ARHGAP1: variants seen among roughly 807,000 people sequenced by gnomAD.
ARHGAP1 encodes Rho GTPase activating protein 1.
In ARHGAP1, 23 loss-of-function variants were observed where a neutral mutation model predicts 52.2. The observed-to-expected ratio is 0.44, with a 90% CI of 0.32 to 0.62. ARHGAP1 has a LOEUF of 0.62. Ranked by LOEUF, ARHGAP1 falls within the 20% of genes least tolerant of loss-of-function variation. The probability of loss-of-function intolerance (pLI) is 0.05; values close to 1 mark genes in which losing one functional copy is unlikely to be tolerated. For synonymous variants in ARHGAP1, 210 were observed against 228.4 expected, an observed-to-expected ratio of 0.92 and a Z score of 0.73; for missense variants, 480 against 560.9, an observed-to-expected ratio of 0.86 and a Z score of 1.46.
intron 3 of ARHGAP1, 89 bp from the exon 4 acceptor site, chr11:46,688,349 C>T: frequency 7.6e-7 from 1 of 1,316,912 alleles, no homozygotes; most frequent in Non-Finnish European, 1.1e-6. Context: ...GCCTGCTGAT[C>T]TGAGCCAGTT....
Position 46,681,451 on chromosome 11 carries a change from A to AT in ARHGAP1, c.450-73_450-72insA. 3.0e-5 allele frequency: 35 copies of AT among 1,182,672 alleles called. No individual in the cohort carries two copies. The highest frequency in any genetic ancestry group is 6.1e-5 in the African/African-American group (4 of 65,258). The allele number at this position is 1,182,672 out of a possible 1,614,324, so 73.3% of individuals were successfully genotyped here. ...GTGCCACGCTAGGGTCCCAGTGCAT[A>AT]CTTTTTTTTTTTGAGACAGAGTCTC... is the stretch of plus-strand genomic sequence containing the variant. On this transcript the variant is annotated intron_variant, in intron 5 of 12. Transcript: ENST00000311956. The surrounding 1 kb of genome is among the most constrained non-coding windows in gnomAD (Gnocchi z 5.7).
Position 46,678,183 on chromosome 11 carries a change from A to G in ARHGAP1, c.*854T>C. 1 of 216,706 alleles carries G rather than the reference A, an allele frequency of 4.6e-6. No homozygotes were observed. Among genetic ancestry groups the G allele is most frequent in the East Asian group, 1.8e-4 (1 of 5,618 alleles). 13.4% of individuals were successfully genotyped at this position (216,706 alleles called of 1,614,324 possible). ...TGACTCCGTAACAGACAGGTCCACA[A>G]GAACATGAAGGCTGATGATCTGCCC... On this transcript the variant is annotated 3_prime_UTR_variant, in exon 13 of 13. Coordinates refer to ENST00000311956, the MANE Select transcript of ARHGAP1 (RefSeq NM_004308.5).
In ARHGAP1 at chr11:46,678,520, A is replaced by C; in HGVS notation, c.*517T>G. ...GCGCTGCTGGGGGCAGTACAGGAGC[A>C]AGGGTGCTTGCACTCAGGCCTTCAT... is the stretch of plus-strand genomic sequence containing the variant. On this transcript the variant is annotated 3_prime_UTR_variant, in exon 13 of 13. Transcript: ENST00000311956. The C allele has an allele frequency of 5.7e-6, 1 of 175,878 alleles. No individual in the cohort carries two copies. The highest frequency in any genetic ancestry group is 1.1e-4 in the South Asian group (1 of 8,916). The allele number at this position is 175,878 out of a possible 1,614,324, so 10.9% of individuals were successfully genotyped here. A position where few individuals can be genotyped will look rare whatever the true frequency, so the allele number is the denominator to read the frequency against.
intron 3 of ARHGAP1, among the ~76,000 whole-genome samples, chr11:46,690,795 C>A (rs1015512565): frequency 6.6e-6 from 1 of 152,146 alleles, no homozygotes; most frequent in Admixed American, 6.6e-5. Flanking sequence ...ACCTGTCTCC[C>A]TGACAGGCTT....
intron 3 of ARHGAP1, among the ~76,000 whole-genome samples, chr11:46,694,424 C>T (rs547248768): frequency 4.6e-5 from 7 of 152,188 alleles, no homozygotes; most frequent in East Asian, 1.9e-4. Flanking sequence ...CGAGCCAGGA[C>T]GGACACCTAC....
At chr11:46,692,052 G>A (rs1439335660) in intron 3 of ARHGAP1, among the ~76,000 whole-genome samples, 2 of 152,190 alleles carry the variant, frequency 1.3e-5, no homozygotes, top group East Asian at 3.8e-4. Flanking sequence ...TGTTTTGAAG[G>A]ACCAGGTGGT....
At chr11:46,685,260 A>G (rs983867214) in intron 4 of ARHGAP1, among the ~76,000 whole-genome samples, 1 of 150,046 alleles carries the variant, frequency 6.7e-6, no homozygotes, top group Non-Finnish European at 1.5e-5. Flanking sequence ...ATTTATGGCT[A>G]TGTATATTTT....
chr11:46,679,404 G>A lies in ARHGAP1; in HGVS notation c.1092C>T (p.Asn364=). ...LQVLQTLPEE[N]YQVLRFLTAF... Reference sequence around the variant, plus strand: ...CAGTCAGGAAACGAAGCACCTGGTAGTTCTCCTCGGGCAGCGTCTGGAGGA... The same window carrying A: ...CAGTCAGGAAACGAAGCACCTGGTAATTCTCCTCGGGCAGCGTCTGGAGGA... Residue 364 remains asparagine, a synonymous_variant, in exon 12 of 13, where the codon AAC becomes AAT. Coordinates refer to ENST00000311956, the MANE Select transcript of ARHGAP1 (RefSeq NM_004308.5). The surrounding 1 kb of genome is among the most constrained non-coding windows in gnomAD (Gnocchi z 4.4). 6.2e-7 allele frequency: 1 copy of A among 1,614,228 alleles called. No individual in the cohort carries two copies. Among genetic ancestry groups the A allele is most frequent in the Non-Finnish European group, 8.5e-7 (1 of 1,180,034 alleles).
chr11:46,696,836 T>A lies in ARHGAP1; in HGVS notation c.-49-680A>T, dbSNP rs2064658593. Among the ~76,000 whole-genome samples the A allele has an allele frequency of 6.6e-6, 1 of 152,154 alleles. No homozygotes were observed. ...GTGAGCCGAGATTGTGCCATTGCAC[T>A]TCCAGCCTAGGCGACAGGGCAAGAC... On this transcript the variant is annotated intron_variant, in intron 1 of 12. Transcript: ENST00000311956. The surrounding 1 kb of genome is among the most constrained non-coding windows in gnomAD (Gnocchi z 4.8).
intron 3 of ARHGAP1, among the ~76,000 whole-genome samples, chr11:46,688,662 T>C (rs930271082): frequency 2.6e-5 from 4 of 151,950 alleles, no homozygotes; most frequent in Non-Finnish European, 5.9e-5. Flanking sequence ...TTAAAATTTT[T>C]TGTAGAGACA....
intron 1 of ARHGAP1, among the ~76,000 whole-genome samples, chr11:46,699,679 G>A (rs1234944519): frequency 7.3e-6 from 1 of 136,332 alleles, no homozygotes; most frequent in Non-Finnish European, 1.6e-5. Flanking sequence ...CTCCAGCCTG[G>A]GCGACAGAGT....
intron 4 of ARHGAP1, among the ~76,000 whole-genome samples, chr11:46,682,419 C>G (rs890066342): frequency 6.6e-6 from 1 of 152,260 alleles, no homozygotes; most frequent in Non-Finnish European, 1.5e-5. Flanking sequence ...CGCAGTGGCT[C>G]ATGCCTGTAA....
chr11:46,696,030 G>T lies in ARHGAP1; in HGVS notation c.78C>A (p.Ala26=). Residue 26 remains alanine, a synonymous_variant, in exon 2 of 13, where the codon GCC becomes GCA. Transcript: ENST00000311956. The surrounding 1 kb of genome is among the most constrained non-coding windows in gnomAD (Gnocchi z 4.8). ...AGGGCCAGTTCTTCTCATCGATGGA[G>T]GCCAGCTTCAGCTGGTTCAGAGCCT... ...TSEALNQLKL[A]SIDEKNWPSD... is the part of the protein sequence containing the mutation. The T allele has an allele frequency of 6.2e-7, 1 of 1,614,160 alleles. No homozygotes were observed. The highest frequency in any genetic ancestry group is 8.5e-7 in the Non-Finnish European group (1 of 1,180,014).
rs112112676 is a variant in ARHGAP1 at position 46,680,982 on chromosome 11, C to A, written c.635+29G>T. On this transcript the variant is annotated intron_variant, in intron 7 of 12. Coordinates refer to ENST00000311956, the MANE Select transcript of ARHGAP1 (RefSeq NM_004308.5). This position sits in a 1 kb window ranked among gnomAD's most constrained non-coding sequence, Gnocchi z 5.9. ...ACACGTCCTCATTACCCTGGCTTCA[C>A]GAGCCCCCAGCCGCCGCACCCGCCT... 3 of 1,599,412 alleles carry A rather than the reference C, an allele frequency of 1.9e-6. No individual in the cohort carries two copies.
chr11:46,698,058 T>A (rs562455378), intron 1 of ARHGAP1, among the ~76,000 whole-genome samples: 9 of 152,312 alleles, frequency 5.9e-5, no homozygotes, highest in African/African-American at 2.2e-4. Context: ...AGGGGCTCCT[T>A]CAGCCCCACC....
At chr11:46,690,562 T>A (rs1321991188) in intron 3 of ARHGAP1, among the ~76,000 whole-genome samples, 1 of 152,188 alleles carries the variant, frequency 6.6e-6, no homozygotes, top group East Asian at 1.9e-4. Flanking sequence ...ACACTGGTTC[T>A]GATTGACTTC....
intron 1 of ARHGAP1, among the ~76,000 whole-genome samples, chr11:46,699,990 T>G (rs974171834): frequency 6.6e-6 from 1 of 151,732 alleles, no homozygotes; most frequent in East Asian, 1.9e-4. Context: ...GCCAACATGG[T>G]GAAACCCTGT....
intron 3 of ARHGAP1, 42 bp downstream of exon 3, chr11:46,695,618 A>C: frequency 6.1e-5 from 93 of 1,517,542 alleles, no homozygotes; most frequent in Non-Finnish European, 7.1e-5. Flanking sequence ...TCCTGAGGCC[A>C]GGAGCTCTGA....
intron 1 of ARHGAP1, among the ~76,000 whole-genome samples, chr11:46,700,275 C>G (rs1463667043): frequency 6.6e-6 from 1 of 152,252 alleles, no homozygotes; most frequent in Non-Finnish European, 1.5e-5. Flanking sequence ...TTTCCCCCTC[C>G]CGCCGGCTTG....
Sources: allele counts gnomAD v4.1 joint callset (sites outside exome capture counted in the v4.1 genomes callset), GRCh38; gene constraint gnomAD v4.1.1; non-coding constraint Gnocchi (gnomAD v3.1); transcripts MANE v1.5; gene names NCBI Gene and HGNC (gene_info 2026-07-23, HGNC 2026-07-21).